RUFY3: variants seen among roughly 807,000 people sequenced by gnomAD.
RUFY3 encodes protein RUFY3.
A neutral mutation model predicts 84.0 loss-of-function variants in RUFY3; 34 were observed. That is an observed-to-expected ratio of 0.40 (90% CI 0.31 to 0.54). The LOEUF (loss-of-function observed/expected upper bound fraction) is 0.54. RUFY3 is among the 20% of genes least tolerant of loss of function. The pLI, the probability that RUFY3 is intolerant of heterozygous loss-of-function variation, is 0.39. For synonymous variants in RUFY3, 242 were observed against 252.9 expected (o/e 0.96, Z 0.41); for missense variants, 507 against 736.8 (o/e 0.69, Z 3.61).
At chr4:70,785,301 A>G (rs1161108493) in intron 10 of RUFY3, among the ~76,000 whole-genome samples, 1 of 152,122 alleles carries the variant, frequency 6.6e-6, no homozygotes, top group African/African-American at 2.4e-5. Flanking sequence ...TTGGTCTTAG[A>G]TATAAATGGA....
chr4:70,756,254 T>C (rs1442498615), intron 1 of RUFY3, among the ~76,000 whole-genome samples: 1 of 151,690 alleles, frequency 6.6e-6, no homozygotes, highest in African/African-American at 2.4e-5. Flanking sequence ...CTACCCTTTA[T>C]TATTTATTTT....
chr4:70,764,606 T>G (rs1725536703), intron 4 of RUFY3, 30 bp downstream of exon 4: 1 of 1,323,274 alleles, frequency 7.6e-7, no homozygotes, highest in African/African-American at 1.5e-5. Context: ...CTTTCTTCTT[T>G]CCTTGGTATG....
intron 1 of RUFY3, among the ~76,000 whole-genome samples, chr4:70,729,030 T>C (rs897603866): frequency 1.3e-5 from 2 of 152,194 alleles, no homozygotes; most frequent in African/African-American, 2.4e-5. Context: ...GAAAACTTTA[T>C]TGCTGTCAAT....
rs529819952 is a variant in RUFY3, at chr4:70,792,942, C to T, written c.1338-843C>T. On this transcript the variant is annotated intron_variant, in intron 12 of 17. Coordinates refer to ENST00000381006, the MANE Select transcript of RUFY3 (RefSeq NM_001037442.4). ...TTGTGGTGATGGGTTGCCTTTTCTA[C>T]GAGCATTTGGAAGGAGTGATCAAAT... The T allele has an allele frequency of 3.0e-4, 293 of 985,102 alleles. 2 individuals carry two copies. The South Asian group carries it at 7.4e-3, about 25-fold the overall frequency. 61.0% of individuals were successfully genotyped at this position (985,102 alleles called of 1,614,324 possible).
chr4:70,797,612 A>AGACG (rs1731693911), intron 14 of RUFY3, among the ~76,000 whole-genome samples: 1 of 151,692 alleles, frequency 6.6e-6, no homozygotes, highest in Non-Finnish European at 1.5e-5. Context: ...TGGGAGGCCA[A>AGACG]GGTGGGCAGA....
At chr4:70,721,243 G>T (rs1420738131), upstream of RUFY3, among the ~76,000 whole-genome samples, 1 of 151,866 alleles carries the variant, frequency 6.6e-6, no homozygotes, top group Non-Finnish European at 1.5e-5. Context: ...CCTGGGAGCT[G>T]AGATCACGCC....
intron 1 of RUFY3, among the ~76,000 whole-genome samples, chr4:70,746,556 G>T (rs1453474660): frequency 6.7e-6 from 1 of 150,224 alleles, no homozygotes; most frequent in South Asian, 2.1e-4. Flanking sequence ...AATAATTGCA[G>T]TAGCTAACAA....
At chr4:70,789,815 A>G (rs1730520936) in intron 12 of RUFY3, 1 of 1,184,570 alleles carries the variant, frequency 8.4e-7, no homozygotes, top group Middle Eastern at 3.6e-4. Context: ...AAAAAAAAAA[A>G]GAAAGGTCAG....
chr4:70,800,621 C>A (rs1484290410), intron 15 of RUFY3, among the ~76,000 whole-genome samples: 1 of 152,226 alleles, frequency 6.6e-6, no homozygotes, highest in Non-Finnish European at 1.5e-5. Flanking sequence ...CAGTGGCTCA[C>A]GCCTGTAATC....
chr4:70,776,658 C>A (rs986809323), intron 7 of RUFY3, among the ~76,000 whole-genome samples: 13 of 152,162 alleles, frequency 8.5e-5, no homozygotes, highest in Admixed American at 4.6e-4. Flanking sequence ...CGCCTGTAGT[C>A]CCAGCTGCTC....
At chr4:70,777,327 A>C (rs975480595) in intron 7 of RUFY3, among the ~76,000 whole-genome samples, 2 of 152,212 alleles carry the variant, frequency 1.3e-5, no homozygotes, top group Non-Finnish European at 2.9e-5. Flanking sequence ...GCTATCCAAA[A>C]GCTATTGGTA....
In RUFY3 at chr4:70,807,357, T is replaced by C. The variant is rs1388509153; in HGVS notation, c.*698T>C. On this transcript the variant is annotated 3_prime_UTR_variant, in exon 18 of 18. Coordinates refer to ENST00000381006, the MANE Select transcript of RUFY3 (RefSeq NM_001037442.4). ...ACTTTATGACTTCAAAGTAAATAAC[T>C]GCCCTTTTCAGAATCTCCTTCCACA... is the stretch of plus-strand genomic sequence containing the variant. 7 of 152,210 alleles carry C rather than the reference T, an allele frequency of 4.6e-5. No individual in the cohort carries two copies. The highest frequency in any genetic ancestry group is 1.7e-4 in the African/African-American group (7 of 41,458). The allele number at this position is 152,210 out of a possible 1,614,324, so 9.4% of individuals were successfully genotyped here. A position where few individuals can be genotyped will look rare whatever the true frequency, so the allele number is the denominator to read the frequency against.
At chr4:70,733,209 A>G (rs1560464653) in intron 1 of RUFY3, among the ~76,000 whole-genome samples, 1 of 151,884 alleles carries the variant, frequency 6.6e-6, no homozygotes, top group Non-Finnish European at 1.5e-5. Flanking sequence ...TCCATTACAC[A>G]CAATTTAATT....
At chr4:70,705,273 AGCAGCG>A (rs746940696) in exon 1 of RUFY3, 4 of 1,434,530 alleles carry the variant, frequency 2.8e-6, no homozygotes, top group Non-Finnish European at 3.6e-6. Flanking sequence ...CGGCGGCGGC[AGCAGCG>A]GCAGCGGCAA....
At chr4:70,704,897 C>T (rs905486398) in exon 1 of RUFY3, 1 of 1,181,324 alleles carries the variant, frequency 8.5e-7, no homozygotes. Context: ...CGCCCAGGCC[C>T]GGGCGCGAAT....
exon 1 of RUFY3, chr4:70,704,922 A>C: frequency 1.7e-6 from 2 of 1,208,276 alleles, no homozygotes; most frequent in Non-Finnish European, 2.1e-6. Flanking sequence ...GGCTGCGGCG[A>C]AGGAAGGAGT....
In RUFY3 at chr4:70,748,246, T is replaced by C. The variant is rs1243520389; in HGVS notation, c.179-14273T>C. ...TTTCAGAGACCTCTTTATCTGACTC[T>C]ACCCTACCTGTGTTTTCCAGTTCTC... On this transcript the variant is annotated intron_variant, in intron 1 of 17. Transcript: ENST00000381006. Among the ~76,000 whole-genome samples the C allele has an allele frequency of 2.0e-5, 3 of 152,220 alleles. No individual in the cohort carries two copies. In the East Asian group the frequency reaches 5.8e-4, roughly 29 times the overall value.
chr4:70,806,399 ACATT>A (rs1217913642), intron 17 of RUFY3, 113 bp from the exon 18 acceptor site: 1 of 1,170,710 alleles, frequency 8.5e-7, no homozygotes, highest in African/African-American at 1.5e-5. Context: ...CACATAGTAA[ACATT>A]CAGTCATTGT....
At chr4:70,712,200 G>A (rs1741070326) in intron 1 of RUFY3, among the ~76,000 whole-genome samples, 1 of 152,000 alleles carries the variant, frequency 6.6e-6, no homozygotes, top group African/African-American at 2.4e-5. Context: ...ACCAATAAAA[G>A]ATGTGACTGT....
Sources: allele counts gnomAD v4.1 joint callset (sites outside exome capture counted in the v4.1 genomes callset), GRCh38; gene constraint gnomAD v4.1.1; transcripts MANE v1.5; gene names NCBI Gene and HGNC (gene_info 2026-07-23, HGNC 2026-07-21).